CDKAL1: variants seen among roughly 807,000 people sequenced by gnomAD.
The protein encoded by CDKAL1 is threonylcarbamoyladenosine tRNA methylthiotransferase.
CDKAL1 carries 32 observed loss-of-function variants against 68.2 expected under a neutral mutation model. That is an observed-to-expected ratio of 0.47 (90% CI 0.35 to 0.63). CDKAL1 has a LOEUF of 0.63. Ranked by LOEUF, CDKAL1 falls within the 30% of genes least tolerant of loss-of-function variation. CDKAL1 has a pLI of 0.00. For synonymous variants in CDKAL1, 234 were observed against 244.3 expected (o/e 0.96, Z 0.39); for missense variants, 606 against 696.7 (o/e 0.87, Z 1.47).
chr6:20,941,095 A>AG (rs973970056), intron 9 of CDKAL1, among the ~76,000 whole-genome samples: 4 of 146,440 alleles, frequency 2.7e-5, no homozygotes, highest in Non-Finnish European at 4.5e-5. Context: ...CATCTCAAAA[A>AG]GAAAAAAAAA....
chr6:20,565,699 A>G (rs142515123), intron 4 of CDKAL1, among the ~76,000 whole-genome samples: 8 of 152,264 alleles, frequency 5.3e-5, no homozygotes, highest in Middle Eastern at 3.4e-3. Context: ...TATCATATAG[A>G]TATTTTCTTC....
chr6:20,645,656 G>A (rs898824403), intron 4 of CDKAL1, among the ~76,000 whole-genome samples: 4 of 151,792 alleles, frequency 2.6e-5, no homozygotes, highest in Non-Finnish European at 2.9e-5. Flanking sequence ...ACTTGGGCCC[G>A]GGAGGCGGAG....
intron 13 of CDKAL1, among the ~76,000 whole-genome samples, chr6:21,158,576 C>A (rs1238536460): frequency 6.6e-6 from 1 of 152,172 alleles, no homozygotes; most frequent in East Asian, 1.9e-4. Flanking sequence ...CACCATTTCA[C>A]TCCCTGGACC....
chr6:20,849,887 A>G (rs1354935751), intron 9 of CDKAL1, among the ~76,000 whole-genome samples: 1 of 152,162 alleles, frequency 6.6e-6, no homozygotes, highest in African/African-American at 2.4e-5. Flanking sequence ...ATAAGCTAAT[A>G]TTTTTAAGAC....
chr6:20,917,393 A>G (rs1364427099), intron 9 of CDKAL1, among the ~76,000 whole-genome samples: 1 of 152,222 alleles, frequency 6.6e-6, no homozygotes, highest in East Asian at 1.9e-4. Context: ...TGGTAGAAGC[A>G]ATACAATCAG....
intron 11 of CDKAL1, among the ~76,000 whole-genome samples, chr6:21,039,401 A>G (rs1769784707): frequency 6.6e-6 from 1 of 152,338 alleles, no homozygotes; most frequent in South Asian, 2.1e-4. Context: ...ACACATGATG[A>G]CATTGATATT....
At chr6:20,660,777 T>C (rs142530670) in intron 5 of CDKAL1, among the ~76,000 whole-genome samples, 1 of 152,216 alleles carries the variant, frequency 6.6e-6, no homozygotes, top group Non-Finnish European at 1.5e-5. Flanking sequence ...TTTTTCCTCT[T>C]TTTGGGAAAA....
At chr6:21,216,508 G>A (rs2151120824) in intron 15 of CDKAL1, among the ~76,000 whole-genome samples, 1 of 152,070 alleles carries the variant, frequency 6.6e-6, no homozygotes, top group Admixed American at 6.5e-5. Context: ...GCAACCAAGT[G>A]GCTGTTCATG....
At chr6:21,185,192 G>A (rs552238703) in intron 13 of CDKAL1, among the ~76,000 whole-genome samples, 12 of 150,282 alleles carry the variant, frequency 8.0e-5, no homozygotes, top group Admixed American at 7.3e-4. Flanking sequence ...TTAAGTAGAC[G>A]ATGTACTATT....
rs529319958 is a variant in CDKAL1 at position 20,891,227 on chromosome 6, G to A, written c.742+45049G>A. Among the ~76,000 whole-genome samples, 9 of 152,312 alleles carry A rather than the reference G, an allele frequency of 5.9e-5. No individual in the cohort carries two copies. In the East Asian group the frequency reaches 1.5e-3, roughly 26 times the overall value. On this transcript the variant is annotated intron_variant, in intron 9 of 15. Transcript: ENST00000274695. ...TTTTTCTACAAGGCAGTAATGAGGT[G>A]TAATCATGGCCCAGTGTCTCAGTCC...
intron 4 of CDKAL1, among the ~76,000 whole-genome samples, chr6:20,583,500 A>G (rs1237945764): frequency 6.6e-6 from 1 of 152,186 alleles, no homozygotes; most frequent in Non-Finnish European, 1.5e-5. Context: ...AGACTGGTGC[A>G]ATGTGGAAAG....
chr6:21,023,057 A>C (rs773322542), intron 11 of CDKAL1, among the ~76,000 whole-genome samples: 100 of 152,332 alleles, frequency 6.6e-4, no homozygotes, highest in Middle Eastern at 3.4e-3. Flanking sequence ...GGATAAATGT[A>C]GGAAAAACAT....
chr6:20,898,018 T>A (rs9358376), intron 9 of CDKAL1, among the ~76,000 whole-genome samples: 11 of 151,834 alleles, frequency 7.2e-5, no homozygotes, highest in African/African-American at 2.7e-4. Context: ...AAAATGTTGC[T>A]GCCCTTTAGG....
chr6:20,614,720 TTAG>T (rs1400336988), intron 4 of CDKAL1, among the ~76,000 whole-genome samples: 1 of 152,214 alleles, frequency 6.6e-6, no homozygotes, highest in Non-Finnish European at 1.5e-5. Context: ...CATTTGCCTC[TTAG>T]TAGTTCTGCG....
At chr6:21,187,276 G>A (rs533191974) in intron 13 of CDKAL1, among the ~76,000 whole-genome samples, 43 of 152,148 alleles carry the variant, frequency 2.8e-4, no homozygotes, top group Non-Finnish European at 1.0e-4. Context: ...TAAATATTAT[G>A]AGGTATGTGA....
At chr6:21,060,309 A>G (rs1253504762) in intron 11 of CDKAL1, among the ~76,000 whole-genome samples, 1 of 152,086 alleles carries the variant, frequency 6.6e-6, no homozygotes, top group African/African-American at 2.4e-5. Flanking sequence ...TGCCCATTTT[A>G]TCTAAGTTGG....
chr6:20,684,199 T>C (rs1428346905), intron 5 of CDKAL1, among the ~76,000 whole-genome samples: 1 of 152,208 alleles, frequency 6.6e-6, no homozygotes, highest in Non-Finnish European at 1.5e-5. Context: ...CCCCGCACTT[T>C]GGGAGGCCAA....
At chr6:20,743,173 T>A (rs1437682991) in intron 6 of CDKAL1, among the ~76,000 whole-genome samples, 2 of 152,198 alleles carry the variant, frequency 1.3e-5, no homozygotes, top group African/African-American at 4.8e-5. Flanking sequence ...TTTAGAATTG[T>A]ATTGCACGAT....
At chr6:20,714,786 A>G (rs1047185819) in intron 5 of CDKAL1, among the ~76,000 whole-genome samples, 7 of 152,224 alleles carry the variant, frequency 4.6e-5, no homozygotes, top group African/African-American at 1.7e-4. Context: ...ATATTAAAAT[A>G]AAACACTTGG....
Sources: allele counts gnomAD v4.1 joint callset (sites outside exome capture counted in the v4.1 genomes callset), GRCh38; gene constraint gnomAD v4.1.1; transcripts MANE v1.5; gene names NCBI Gene and HGNC (gene_info 2026-07-23, HGNC 2026-07-21).